Variants in EFCAB5 observed in about 807,000 individuals in gnomAD.
The protein encoded by EFCAB5 is EF-hand calcium binding domain 5.
In EFCAB5, 131 loss-of-function variants were observed where a neutral mutation model predicts 167.9. The observed-to-expected ratio is 0.78, with a 90% CI of 0.68 to 0.90. The LOEUF (loss-of-function observed/expected upper bound fraction) is 0.90. Ranked by LOEUF, EFCAB5 falls within the 40% of genes least tolerant of loss-of-function variation. EFCAB5 has a pLI of 0.00. For synonymous variants in EFCAB5, 574 were observed against 602.8 expected, an observed-to-expected ratio of 0.95 and a Z score of 0.70; for missense variants, 1,663 against 1,745.2, an observed-to-expected ratio of 0.95 and a Z score of 0.84.
chr17:30,063,753 C>G (rs934918915), intron 14 of EFCAB5, among the ~76,000 whole-genome samples: 1 of 152,162 alleles, frequency 6.6e-6, no homozygotes, highest in Non-Finnish European at 1.5e-5. Context: ...CAAGAGGGAT[C>G]CCCCTCAGCT....
Position 30,053,544 on chromosome 17 carries a change from A to AT in EFCAB5, c.1590_1591insT (p.Lys531Ter). ...CAATTGAAGAACAACAACAAGGCAA[A>AT]AAGCCAACTGCAGAGCAAGAACTGT... On this transcript the variant is annotated frameshift_variant, in exon 10 of 23. Transcript: ENST00000394835. LOFTEE classifies it high-confidence loss of function. 1 of 1,613,934 alleles carries AT rather than the reference A, an allele frequency of 6.2e-7. No homozygotes were observed. The highest frequency in any genetic ancestry group is 1.1e-5 in the South Asian group (1 of 91,080).
intron 7 of EFCAB5, among the ~76,000 whole-genome samples, chr17:30,016,166 G>A (rs879708372): frequency 1.3e-5 from 2 of 151,992 alleles, no homozygotes; most frequent in Non-Finnish European, 2.9e-5. Flanking sequence ...CATTCTGTGG[G>A]TTGTTTTTTA....
chr17:30,039,694 C>T (rs1304619441), intron 8 of EFCAB5, among the ~76,000 whole-genome samples: 1 of 152,186 alleles, frequency 6.6e-6, no homozygotes, highest in Non-Finnish European at 1.5e-5. Flanking sequence ...AGGGATTGCC[C>T]CTGCCCCAAT....
At chr17:29,998,454 A>C (rs1424463704) in intron 6 of EFCAB5, among the ~76,000 whole-genome samples, 2 of 152,156 alleles carry the variant, frequency 1.3e-5, no homozygotes, top group African/African-American at 4.8e-5. Flanking sequence ...CAGATACTGT[A>C]ATGAGTAAGA....
Position 30,080,805 on chromosome 17 carries a change from C to T in EFCAB5, c.3250C>T (p.His1084Tyr), listed in dbSNP as rs2070973303. 5.6e-6 allele frequency: 9 copies of T among 1,612,730 alleles called. No homozygotes were observed. The highest frequency in any genetic ancestry group is 1.3e-5 in the African/African-American group (1 of 74,892). The change falls in exon 17 of 23, where the codon CAT (histidine) becomes TAT (tyrosine). Residue 1084 changes from histidine (H) to tyrosine (Y), a missense_variant. His to Tyr is a moderately conservative substitution (Grantham distance 83, BLOSUM62 2). Coordinates refer to ENST00000394835, the MANE Select transcript of EFCAB5 (RefSeq NM_198529.4). ...AATCCATGTTCCCCAAGTTCAGTACCATGGGAACATCTTCTTCTGGAACCA... is the reference window on the plus strand; with the variant it reads ...AATCCATGTTCCCCAAGTTCAGTACTATGGGAACATCTTCTTCTGGAACCA... The part of the protein sequence containing the change: ...KPIHVPQVQY[H>Y]GNIFFWNQSR...
intron 4 of EFCAB5, among the ~76,000 whole-genome samples, chr17:29,975,869 A>G (rs918304794): frequency 4.5e-4 from 68 of 152,332 alleles, no homozygotes; most frequent in African/African-American, 1.6e-3. Flanking sequence ...CTAGGAATGC[A>G]TTTAAAACAA....
At chr17:30,102,887 A>C (rs1292635603) in intron 22 of EFCAB5, among the ~76,000 whole-genome samples, 4 of 152,030 alleles carry the variant, frequency 2.6e-5, no homozygotes, top group African/African-American at 9.7e-5. Flanking sequence ...GCCGAAGTAC[A>C]GTGGCACAAT....
chr17:30,012,961 A>G (rs1384734916), intron 7 of EFCAB5, among the ~76,000 whole-genome samples: 2 of 152,178 alleles, frequency 1.3e-5, no homozygotes, highest in Admixed American at 1.3e-4. Flanking sequence ...AGCTCTTATT[A>G]TTTTGAGATA....
chr17:30,066,117 T>C (rs2070562563), intron 14 of EFCAB5, among the ~76,000 whole-genome samples: 1 of 152,194 alleles, frequency 6.6e-6, no homozygotes, highest in South Asian at 2.1e-4. Context: ...CAGATATTTA[T>C]AGAACATTTT....
chr17:30,096,972 C>A (rs1368466293), intron 22 of EFCAB5, among the ~76,000 whole-genome samples: 1 of 141,868 alleles, frequency 7.0e-6, no homozygotes, highest in East Asian at 2.1e-4. Flanking sequence ...AGCCACCACC[C>A]CGGTCACAAT....
intron 22 of EFCAB5, among the ~76,000 whole-genome samples, chr17:30,093,836 T>C (rs1597567847): frequency 6.6e-6 from 1 of 152,288 alleles, no homozygotes. Context: ...GTCACCCAGA[T>C]ACCAACCCTC....
At chr17:30,050,829 T>C (rs953467198) in intron 8 of EFCAB5, among the ~76,000 whole-genome samples, 6 of 152,204 alleles carry the variant, frequency 3.9e-5, no homozygotes, top group Non-Finnish European at 7.3e-5. Context: ...TCAGGTAAGA[T>C]AAGTACTGAA....
chr17:29,940,943 G>A (rs569623588), upstream of EFCAB5, among the ~76,000 whole-genome samples: 29 of 152,162 alleles, frequency 1.9e-4, no homozygotes, highest in Middle Eastern at 3.4e-3. Flanking sequence ...GGGAGGCTGA[G>A]GCAGGAGAAT....
intron 3 of EFCAB5, among the ~76,000 whole-genome samples, chr17:29,953,378 C>G (rs1158865556): frequency 6.6e-6 from 1 of 152,152 alleles, no homozygotes; most frequent in Non-Finnish European, 1.5e-5. Context: ...CCCATAATTC[C>G]CATGTGTCAT....
At chr17:30,096,677 A>ATATATATATATATATAT (rs1193558323) in intron 22 of EFCAB5, among the ~76,000 whole-genome samples, 1 of 60,126 alleles carries the variant, frequency 1.7e-5, no homozygotes, top group African/African-American at 8.4e-5. Context: ...ATATATATAT[A>ATATATATATATATATAT]TTTTTTTTTT....
intron 3 of EFCAB5, among the ~76,000 whole-genome samples, chr17:29,957,302 A>G (rs1274621782): frequency 6.6e-6 from 1 of 152,146 alleles, no homozygotes; most frequent in South Asian, 2.1e-4. Context: ...CATCCCTGGC[A>G]TGATGAGGGA....
At chr17:30,008,333 C>T (rs1370180919) in intron 7 of EFCAB5, among the ~76,000 whole-genome samples, 1 of 152,172 alleles carries the variant, frequency 6.6e-6, no homozygotes, top group Non-Finnish European at 1.5e-5. Context: ...TGGCTCACGC[C>T]TGTAATCCCA....
At chr17:29,932,878 T>C (rs1260774253) in intron 1 of EFCAB5, among the ~76,000 whole-genome samples, 1 of 152,190 alleles carries the variant, frequency 6.6e-6, no homozygotes, top group African/African-American at 2.4e-5. Context: ...CAAAATTGAA[T>C]TATGGGATGA....
chr17:30,046,505 G>A (rs959365898), intron 8 of EFCAB5, among the ~76,000 whole-genome samples: 3 of 152,154 alleles, frequency 2.0e-5, no homozygotes, highest in Non-Finnish European at 2.9e-5. Flanking sequence ...TAGCTTCAGG[G>A]CAGATACGGA....
Sources: gnomAD v4.1 joint callset for allele counts (sites outside exome capture counted in the v4.1 genomes callset) on GRCh38, gnomAD v4.1.1 for gene constraint, MANE v1.5 for transcripts, NCBI Gene and HGNC (gene_info 2026-07-23, HGNC 2026-07-21) for gene names.